SERINC2: variants seen among roughly 807,000 people sequenced by gnomAD.
SERINC2 encodes the protein serine incorporator 2, also known as tumor differentially expressed protein 2.
Under a neutral mutation model 54.2 loss-of-function variants are expected in SERINC2, and 56 were observed. The observed-to-expected ratio is 1.03, with a 90% confidence interval of 0.83 to 1.29. The LOEUF (loss-of-function observed/expected upper bound fraction) is 1.29. Ranked by LOEUF, SERINC2 falls within the 50% of genes most tolerant of loss-of-function variation. The pLI is 0.00. For synonymous variants in SERINC2, 272 were observed against 253.1 expected (o/e 1.07, Z -0.71); for missense variants, 614 against 607.4 (o/e 1.01, Z -0.12).
intron 5 of SERINC2, among the ~76,000 whole-genome samples, chr1:31,426,157 T>C (rs1553133588): frequency 6.6e-6 from 1 of 152,124 alleles, no homozygotes; most frequent in East Asian, 1.9e-4. Context: ...TGGGGGTTCC[T>C]GCAGGGTGGG....
intron 1 of SERINC2, among the ~76,000 whole-genome samples, chr1:31,418,639 T>G (rs1553132481): frequency 6.6e-6 from 1 of 152,174 alleles, no homozygotes; most frequent in Non-Finnish European, 1.5e-5. Context: ...CTTCTCAAAG[T>G]GCTGGGATTA....
chr1:31,415,103 C>CG (rs2148511224), intron 1 of SERINC2, among the ~76,000 whole-genome samples: 1 of 152,276 alleles, frequency 6.6e-6, no homozygotes, highest in Admixed American at 6.5e-5. Context: ...GACTGCCACC[C>CG]GCCCGGAGAA....
intron 1 of SERINC2, chr1:31,414,569 G>C: frequency 1.0e-6 from 1 of 986,396 alleles, no homozygotes; most frequent in South Asian, 4.8e-5. Flanking sequence ...AGAGGCAAGA[G>C]AGCCTCTCGC....
intron 5 of SERINC2, 127 bp downstream of exon 5, chr1:31,426,040 T>C (rs1553133582): frequency 1.0e-6 from 1 of 994,686 alleles, no homozygotes; most frequent in Non-Finnish European, 1.5e-6. Context: ...CTGCCTTAGG[T>C]CAAGATTCCA....
intron 1 of SERINC2, among the ~76,000 whole-genome samples, chr1:31,422,873 A>C (rs1033109052): frequency 1.3e-5 from 2 of 152,212 alleles, no homozygotes; most frequent in East Asian, 3.8e-4. Context: ...GCTGACCGCA[A>C]CTGGGGCAGA....
In SERINC2 at chr1:31,429,092, G is replaced by C. The variant is rs782049284; in HGVS notation, c.871+24G>C. ...TGGTAAGTATGGGCCCAGGCTCAAG[G>C]AGGCCTGGCCTCGTTCCTGGGTCAG... On this transcript the variant is annotated intron_variant, in intron 7 of 9. Coordinates refer to ENST00000373709, the MANE Select transcript of SERINC2 (RefSeq NM_178865.5). The C allele has an allele frequency of 8.8e-6, 14 of 1,596,274 alleles. No individual in the cohort carries two copies. The South Asian group carries it at 1.5e-4, about 18-fold the overall frequency.
intron 6 of SERINC2, among the ~76,000 whole-genome samples, chr1:31,428,628 G>C (rs1393557657): frequency 6.6e-6 from 1 of 152,136 alleles, no homozygotes; most frequent in Non-Finnish European, 1.5e-5. Flanking sequence ...CACAGCGACG[G>C]CAAAGGCCTT....
At chr1:31,433,635 G>A (rs1460653030) in intron 9 of SERINC2, among the ~76,000 whole-genome samples, 3 of 152,076 alleles carry the variant, frequency 2.0e-5, no homozygotes, top group African/African-American at 7.2e-5. Context: ...ATTGAGAGTA[G>A]GAGGTCATAA....
Position 31,413,786 on chromosome 1 carries a change from T to C in SERINC2, c.39+482T>C. 1 of 1,369,514 alleles carries C rather than the reference T, an allele frequency of 7.3e-7. No individual in the cohort carries two copies. Among genetic ancestry groups the C allele is most frequent in the Non-Finnish European group, 9.4e-7 (1 of 1,067,674 alleles). The allele number at this position is 1,369,514 out of a possible 1,614,324, so 84.8% of individuals were successfully genotyped here. A position where few individuals can be genotyped will look rare whatever the true frequency, so the allele number is the denominator to read the frequency against. On this transcript the variant is annotated intron_variant, in intron 1 of 9. Transcript: ENST00000373709. The surrounding 1 kb of genome is among the most constrained non-coding windows in gnomAD (Gnocchi z 5.0). The stretch of plus-strand genomic sequence containing the variant: ...GGCCGCCTGCCAGTCCGCCTGTTCC[T>C]GTCGCTCGGGCTCCGCCTGTCCGTT...
At position 31,432,086 on chromosome 1, in the gene SERINC2, GGGTGGAC is replaced by G. The variant is rs1557501087; in HGVS notation, c.1014-880_1014-874del. ...GTGGACAGGGTGGACAGGGTGGTTA[GGGTGGAC>G]AGGGTGGACAGGGTGGATAGGGTGG... On this transcript the variant is annotated intron_variant, in intron 8 of 9. Transcript: ENST00000373709. Among the ~76,000 whole-genome samples, 33 of 123,476 alleles carry G rather than the reference GGGTGGAC, an allele frequency of 2.7e-4. 1 individual carries two copies. Among genetic ancestry groups the G allele is most frequent in the East Asian group, 5.4e-4 (2 of 3,718 alleles). 81.0% of individuals were successfully genotyped at this position (123,476 alleles called of 152,430 possible).
At chr1:31,431,804 A>ATAGGATGGTTAGGGTGGATAGGATGGT in intron 8 of SERINC2, among the ~76,000 whole-genome samples, 1 of 122,462 alleles carries the variant, frequency 8.2e-6, no homozygotes, top group African/African-American at 3.5e-5. Flanking sequence ...GATAGGGTGG[A>ATAGGATGGTTAGGGTGGATAGGATGGT]CAGGGTGGAC....
At chr1:31,410,100 A>G, upstream of SERINC2, 4 of 1,277,798 alleles carry the variant, frequency 3.1e-6, no homozygotes, top group Non-Finnish European at 4.2e-6. Flanking sequence ...CATGGTTTAC[A>G]TAGCATTGGG....
intron 8 of SERINC2, among the ~76,000 whole-genome samples, 164 bp downstream of exon 8, chr1:31,429,702 C>T (rs1451836332): frequency 2.0e-5 from 3 of 152,222 alleles, no homozygotes; most frequent in Non-Finnish European, 2.9e-5. Context: ...CCTCAGAGGG[C>T]ATGGCATGAG....
chr1:31,429,537 A>C lies in SERINC2; in HGVS notation c.1012A>C (p.Ser338Arg), dbSNP rs1641139261. ...CTTCCTCCTGTGCACCCTCTTCATC[A>C]GGTATGGCCAGGTCTGGATTCTGGG... ...IIFLLCTLFI[S>R]LRSSDHRQVN... is the part of the protein sequence containing the mutation. Residue 338 changes from serine to arginine, a missense_variant and splice_region_variant, in exon 8 of 10, where the codon AGT becomes CGT. Physicochemically the swap from Ser to Arg is moderately radical, Grantham distance 110. Transcript: ENST00000373709. 1.2e-6 allele frequency: 2 copies of C among 1,601,224 alleles called. No individual in the cohort carries two copies. The highest frequency in any genetic ancestry group is 2.2e-5 in the South Asian group (2 of 89,512).
At chr1:31,432,093 C>CAGGGTGGAG (rs1641283141) in intron 8 of SERINC2, among the ~76,000 whole-genome samples, 1 of 16,552 alleles carries the variant, frequency 6.0e-5, no homozygotes, top group Non-Finnish European at 1.1e-4. Context: ...TTAGGGTGGA[C>CAGGGTGGAG]AGGGTGGACA....
At chr1:31,432,482 C>G (rs1469068488) in intron 8 of SERINC2, among the ~76,000 whole-genome samples, 3 of 151,990 alleles carry the variant, frequency 2.0e-5, no homozygotes, top group Non-Finnish European at 4.4e-5. Flanking sequence ...CCACCTGACA[C>G]TAATAAAATG....
At chr1:31,428,190 C>T (rs1641095230) in intron 6 of SERINC2, among the ~76,000 whole-genome samples, 1 of 152,122 alleles carries the variant, frequency 6.6e-6, no homozygotes, top group South Asian at 2.1e-4. Flanking sequence ...CAGGCACCCG[C>T]CACCACACCC....
rs1553131752 is a variant in SERINC2 at position 31,413,337 on chromosome 1, G to A, written c.39+33G>A. 3.4e-6 allele frequency: 4 copies of A among 1,187,960 alleles called. No individual in the cohort carries two copies. The highest frequency in any genetic ancestry group is 4.2e-6 in the Non-Finnish European group (4 of 942,618). The allele number at this position is 1,187,960 out of a possible 1,614,324, so 73.6% of individuals were successfully genotyped here. On this transcript the variant is annotated intron_variant, in intron 1 of 9. Transcript: ENST00000373709. This position sits in a 1 kb window ranked among gnomAD's most constrained non-coding sequence, Gnocchi z 5.0. ...CCGACCCCGGCGCCCGCCCGCGCGCGCCGCCCGTTCCTGCTGCGGGCCCTC... is the reference window on the plus strand; with the variant it reads ...CCGACCCCGGCGCCCGCCCGCGCGCACCGCCCGTTCCTGCTGCGGGCCCTC...
At chr1:31,416,032 G>A (rs1640773207) in intron 1 of SERINC2, 2 of 433,268 alleles carry the variant, frequency 4.6e-6, no homozygotes. Context: ...ACATCCTAGG[G>A]AGTGTGAAAG....
Sources: gnomAD v4.1 joint callset for allele counts (sites outside exome capture counted in the v4.1 genomes callset) on GRCh38, gnomAD v4.1.1 for gene constraint, Gnocchi (gnomAD v3.1) non-coding constraint, MANE v1.5 for transcripts, NCBI Gene and HGNC (gene_info 2026-07-23, HGNC 2026-07-21) for gene names.